The following MGAT4D variants were observed in gnomAD, a reference collection of about 807,000 sequenced individuals.
MGAT4D encodes the protein alpha-1,3-mannosyl-glycoprotein 4-beta-N-acetylglucosaminyltransferase-like protein MGAT4D.
MGAT4D carries 34 observed loss-of-function variants against 15.9 expected under a neutral mutation model. The observed-to-expected ratio is 2.14, with a 90% CI of 1.62 to 2.84. The LOEUF is 2.84. MGAT4D is among the 30% of genes most tolerant of loss of function. MGAT4D has a pLI of 0.00. For missense variants in MGAT4D, 327 were observed against 140.2 expected, an observed-to-expected ratio of 2.33 and a Z score of -6.73; for synonymous variants, 112 against 48.2, an observed-to-expected ratio of 2.33 and a Z score of -5.49.
chr4:140,474,088 T>C (rs1732156945), intron 4 of MGAT4D, among the ~76,000 whole-genome samples: 2 of 152,216 alleles, frequency 1.3e-5, no homozygotes, highest in South Asian at 4.1e-4. Context: ...TACATATACA[T>C]TTAAATTTAA....
At chr4:140,452,306 A>G (rs1306661914) in intron 9 of MGAT4D, among the ~76,000 whole-genome samples, 1 of 152,132 alleles carries the variant, frequency 6.6e-6, no homozygotes, top group Non-Finnish European at 1.5e-5. Flanking sequence ...TATATATAGT[A>G]ATTTTTTACA....
chr4:140,468,512 G>A (rs1234127720), intron 5 of MGAT4D, among the ~76,000 whole-genome samples: 2 of 152,006 alleles, frequency 1.3e-5, no homozygotes, highest in Non-Finnish European at 2.9e-5. Context: ...ATTCTGTCAG[G>A]AGTCTCCTAT....
rs545404138 is a variant in MGAT4D, at chr4:140,467,299, G to A, written c.573-2290C>T. ...GTTGTTTGCTTTGTGGTAAAAGTTA[G>A]TAACATAATATCTAAATTTTTAAAT... On this transcript the variant is annotated intron_variant, in intron 5 of 10. Coordinates refer to ENST00000511113, the MANE Select transcript of MGAT4D (RefSeq NM_001277353.2). Among the ~76,000 whole-genome samples the A allele has an allele frequency of 5.7e-4, 86 of 152,166 alleles. 1 individual carries two copies. The highest frequency in any genetic ancestry group is 1.2e-4 in the Non-Finnish European group (8 of 67,956).
intron 3 of MGAT4D, among the ~76,000 whole-genome samples, chr4:140,475,960 C>T (rs1389045995): frequency 6.6e-6 from 1 of 151,770 alleles, no homozygotes; most frequent in African/African-American, 2.4e-5. Flanking sequence ...TACAGGCATG[C>T]ACCACCATGC....
At chr4:140,490,788 T>G (rs1733452277) in intron 1 of MGAT4D, among the ~76,000 whole-genome samples, 1 of 152,242 alleles carries the variant, frequency 6.6e-6, no homozygotes. Flanking sequence ...TTGTGGGTAT[T>G]TTTCCATCCC....
intron 5 of MGAT4D, among the ~76,000 whole-genome samples, chr4:140,467,829 T>C (rs1262552858): frequency 6.6e-6 from 1 of 152,062 alleles, no homozygotes; most frequent in African/African-American, 2.4e-5. Context: ...TGTATAGTTA[T>C]ATACAGTTTC....
chr4:140,442,831 A>T lies in MGAT4D; in HGVS notation c.*605T>A, dbSNP rs1205112241. 1 of 93,780 alleles carries T rather than the reference A, an allele frequency of 1.1e-5. No individual in the cohort carries two copies. Among genetic ancestry groups the T allele is most frequent in the Non-Finnish European group, 3.0e-5 (1 of 33,454 alleles). The allele number at this position is 93,780 out of a possible 1,614,324, so 5.8% of individuals were successfully genotyped here. A position where few individuals can be genotyped will look rare whatever the true frequency, so the allele number is the denominator to read the frequency against. ...CAATATATTTGGGAAAAAAACTCCC[A>T]AATAATCTGTGTGTTAAGAAGGCAA... On this transcript the variant is annotated 3_prime_UTR_variant, in exon 11 of 11. Coordinates refer to ENST00000511113, the MANE Select transcript of MGAT4D (RefSeq NM_001277353.2).
chr4:140,462,134 C>A, intron 6 of MGAT4D, 130 bp from the exon 7 acceptor site: 1 of 524,228 alleles, frequency 1.9e-6, no homozygotes, highest in Non-Finnish European at 3.4e-6. Flanking sequence ...ACTAATTTTA[C>A]TTAATTAATT....
intron 9 of MGAT4D, among the ~76,000 whole-genome samples, chr4:140,454,692 T>C (rs1176524606): frequency 1.3e-5 from 2 of 152,150 alleles, no homozygotes; most frequent in Non-Finnish European, 2.9e-5. Flanking sequence ...TCATCTCTGT[T>C]TAGTAGAATG....
rs182595768 is a variant in MGAT4D, at chr4:140,442,506, T to C, written c.*930A>G. 88 of 152,176 alleles carry C rather than the reference T, an allele frequency of 5.8e-4. No individual in the cohort carries two copies. The highest frequency in any genetic ancestry group is 2.6e-3 in the Admixed American group (40 of 15,282). 9.4% of individuals were successfully genotyped at this position (152,176 alleles called of 1,614,324 possible). Reference sequence around the variant, plus strand: ...TGTAGAAACTGATGGATCAAGCATATAGAAATTAGTAAGGAGTGAAAAGTT... The same window carrying C: ...TGTAGAAACTGATGGATCAAGCATACAGAAATTAGTAAGGAGTGAAAAGTT... On this transcript the variant is annotated 3_prime_UTR_variant, in exon 11 of 11. Transcript: ENST00000511113.
chr4:140,467,300 T>C (rs1731602121), intron 5 of MGAT4D, among the ~76,000 whole-genome samples: 1 of 152,158 alleles, frequency 6.6e-6, no homozygotes. Flanking sequence ...TAAAAGTTAG[T>C]AACATAATAT....
intron 1 of MGAT4D, among the ~76,000 whole-genome samples, chr4:140,485,643 G>A (rs927387273): frequency 1.3e-5 from 2 of 149,996 alleles, no homozygotes; most frequent in Admixed American, 6.6e-5. Flanking sequence ...TGTATTCAAA[G>A]GAAATAAAGT....
At chr4:140,456,756 T>C (rs949798313) in intron 8 of MGAT4D, 37 bp from the exon 9 acceptor site, 7 of 615,594 alleles carry the variant, frequency 1.1e-5, no homozygotes, top group Non-Finnish European at 2.0e-5. Flanking sequence ...AAATAATTCA[T>C]ATGTAGTTGT....
Position 140,465,129 on chromosome 4 carries a change from A to G in MGAT4D, c.573-120T>C, listed in dbSNP as rs187893266. On this transcript the variant is annotated intron_variant, in intron 5 of 10. Transcript: ENST00000511113. Reference sequence around the variant, plus strand: ...TAATATTTGATTTGAATTATTTCACATGTTGATACATGATACCAGCATCAT... The same window carrying G: ...TAATATTTGATTTGAATTATTTCACGTGTTGATACATGATACCAGCATCAT... The G allele has an allele frequency of 5.2e-3, 2,868 of 555,526 alleles. 15 individuals carry two copies. The highest frequency in any genetic ancestry group is 7.1e-3 in the South Asian group (255 of 35,818). 34.4% of individuals were successfully genotyped at this position (555,526 alleles called of 1,614,324 possible). A position where few individuals can be genotyped will look rare whatever the true frequency, so the allele number is the denominator to read the frequency against.
At chr4:140,490,323 C>T (rs1048762602) in intron 1 of MGAT4D, among the ~76,000 whole-genome samples, 1 of 152,150 alleles carries the variant, frequency 6.6e-6, no homozygotes, top group African/African-American at 2.4e-5. Context: ...TTCATATAGC[C>T]TGGGCAAGTG....
chr4:140,486,570 TCAC>T (rs1733149193), intron 1 of MGAT4D, among the ~76,000 whole-genome samples: 1 of 152,196 alleles, frequency 6.6e-6, no homozygotes, highest in Non-Finnish European at 1.5e-5. Flanking sequence ...AAATAACTTA[TCAC>T]CACCACTTCA....
rs142094798 is a variant in MGAT4D at position 140,444,829 on chromosome 4, A to G, written c.1117-1385T>C. Among the ~76,000 whole-genome samples, 540 of 151,722 alleles carry G rather than the reference A, an allele frequency of 3.6e-3. 5 individuals carry two copies. Among genetic ancestry groups the G allele is most frequent in the Non-Finnish European group, 4.0e-3 (274 of 67,968 alleles). On this transcript the variant is annotated intron_variant, in intron 10 of 10. Coordinates refer to ENST00000511113, the MANE Select transcript of MGAT4D (RefSeq NM_001277353.2). ...TGATTGAACTAATTTACACTCTGCC[A>G]GCACTGTATAAGTGTTCTTTTTTCT... is the stretch of plus-strand genomic sequence containing the variant.
intron 10 of MGAT4D, among the ~76,000 whole-genome samples, chr4:140,449,228 C>T (rs1245959422): frequency 6.6e-6 from 1 of 151,580 alleles, no homozygotes; most frequent in Middle Eastern, 3.2e-3. Flanking sequence ...ATTTTGTTTC[C>T]AAAAGAAATT....
chr4:140,464,805 G>C, intron 6 of MGAT4D, 91 bp downstream of exon 6: 1 of 659,980 alleles, frequency 1.5e-6, no homozygotes, highest in Admixed American at 2.2e-5. Flanking sequence ...GAACACCACT[G>C]TGTCTGAAAT....
Sources: allele counts gnomAD v4.1 joint callset (sites outside exome capture counted in the v4.1 genomes callset), GRCh38; gene constraint gnomAD v4.1.1; transcripts MANE v1.5; gene names NCBI Gene and HGNC (gene_info 2026-07-23, HGNC 2026-07-21).